Variants in ARHGAP24 observed in about 807,000 individuals in gnomAD.
The protein encoded by ARHGAP24 is Rho GTPase activating protein 24.
Under a neutral mutation model 76.4 loss-of-function variants are expected in ARHGAP24, and 50 were observed. That is an observed-to-expected ratio of 0.65 (90% CI 0.52 to 0.83). ARHGAP24 has a LOEUF of 0.83. Ranked by LOEUF, ARHGAP24 falls within the 40% of genes least tolerant of loss-of-function variation. The pLI is 0.00. For missense variants in ARHGAP24, 930 were observed against 914.2 expected (o/e 1.02, Z -0.22); for synonymous variants, 345 against 323.3 (o/e 1.07, Z -0.72).
chr4:85,494,529 A>G (rs1261977583), intron 1 of ARHGAP24, among the ~76,000 whole-genome samples: 2 of 152,026 alleles, frequency 1.3e-5, no homozygotes, highest in Non-Finnish European at 2.9e-5. Context: ...TACTAAAAAT[A>G]CAAAAATTAG....
intron 2 of ARHGAP24, among the ~76,000 whole-genome samples, chr4:85,678,874 G>A (rs1003531657): frequency 6.6e-6 from 1 of 152,172 alleles, no homozygotes; most frequent in Non-Finnish European, 1.5e-5. Context: ...AGCATCCAGA[G>A]AGGTGTCCGA....
intron 2 of ARHGAP24, among the ~76,000 whole-genome samples, chr4:85,670,936 A>C (rs534523847): frequency 6.6e-6 from 1 of 152,312 alleles, no homozygotes; most frequent in Non-Finnish European, 1.5e-5. Context: ...AAGACCTACA[A>C]AATTGGAAAT....
intron 3 of ARHGAP24, among the ~76,000 whole-genome samples, chr4:85,807,799 CA>C (rs1728855018): frequency 6.6e-6 from 1 of 152,160 alleles, no homozygotes; most frequent in South Asian, 2.1e-4. Flanking sequence ...TGTAACCTCC[CA>C]GGGGCATTTC....
intron 5 of ARHGAP24, among the ~76,000 whole-genome samples, chr4:85,965,503 T>A (rs1738536916): frequency 6.6e-6 from 1 of 152,126 alleles, no homozygotes; most frequent in East Asian, 1.9e-4. Flanking sequence ...AAGACAAATA[T>A]GTAACTAGTA....
chr4:85,506,932 A>G (rs1724080569), intron 1 of ARHGAP24, among the ~76,000 whole-genome samples: 2 of 152,244 alleles, frequency 1.3e-5, no homozygotes, highest in Non-Finnish European at 2.9e-5. Context: ...AATGTGATAA[A>G]GTAGGTAAAA....
chr4:85,930,885 G>T, intron 4 of ARHGAP24: 2 of 1,612,696 alleles, frequency 1.2e-6, no homozygotes, highest in Non-Finnish European at 1.7e-6. Context: ...TCAGAGGCAG[G>T]TTTTAAAGGA....
chr4:85,830,932 C>T (rs1729964799), intron 3 of ARHGAP24, among the ~76,000 whole-genome samples: 1 of 152,050 alleles, frequency 6.6e-6, no homozygotes, highest in Non-Finnish European at 1.5e-5. Context: ...AGAGCCCTGC[C>T]TCATTTATCT....
At chr4:85,966,823 G>A (rs1218122554) in intron 5 of ARHGAP24, among the ~76,000 whole-genome samples, 2 of 152,106 alleles carry the variant, frequency 1.3e-5, no homozygotes, top group Non-Finnish European at 2.9e-5. Flanking sequence ...GCTTGTTGCA[G>A]ATAAGTTCAC....
At chr4:85,674,961 TG>T (rs1722926707) in intron 2 of ARHGAP24, among the ~76,000 whole-genome samples, 1 of 152,158 alleles carries the variant, frequency 6.6e-6, no homozygotes, top group Non-Finnish European at 1.5e-5. Context: ...GTCACAAGCA[TG>T]GGGCAGCTGT....
chr4:85,563,515 T>G (rs1726681594), intron 1 of ARHGAP24, among the ~76,000 whole-genome samples: 1 of 152,214 alleles, frequency 6.6e-6, no homozygotes, highest in South Asian at 2.1e-4. Flanking sequence ...TCCCATTGGA[T>G]CAGCACCCCA....
chr4:85,856,711 C>T (rs1731595336), intron 3 of ARHGAP24, among the ~76,000 whole-genome samples: 1 of 152,026 alleles, frequency 6.6e-6, no homozygotes, highest in Non-Finnish European at 1.5e-5. Context: ...CTCACGTGAT[C>T]CACTCACCTT....
intron 3 of ARHGAP24, among the ~76,000 whole-genome samples, chr4:85,816,134 G>T (rs1038310885): frequency 1.3e-5 from 2 of 152,150 alleles, no homozygotes; most frequent in African/African-American, 2.4e-5. Flanking sequence ...GATGAGATTT[G>T]GGTGGAGACA....
intron 1 of ARHGAP24, among the ~76,000 whole-genome samples, chr4:85,526,930 T>C (rs1725029251): frequency 6.6e-6 from 1 of 152,210 alleles, no homozygotes; most frequent in African/African-American, 2.4e-5. Flanking sequence ...ACATAATCTG[T>C]ACATTTGTTA....
At chr4:85,769,677 G>A (rs1727058551) in intron 3 of ARHGAP24, among the ~76,000 whole-genome samples, 1 of 149,834 alleles carries the variant, frequency 6.7e-6, no homozygotes, top group Non-Finnish European at 1.5e-5. Flanking sequence ...GTCTCACTCT[G>A]TCACCGGGCA....
intron 1 of ARHGAP24, among the ~76,000 whole-genome samples, chr4:85,499,061 CTTG>C (rs1470379212): frequency 2.0e-5 from 3 of 152,134 alleles, no homozygotes; most frequent in East Asian, 1.9e-4. Flanking sequence ...TTATAATCAG[CTTG>C]TTGTTGTTTG....
chr4:85,778,052 G>A (rs1007667660), intron 3 of ARHGAP24, among the ~76,000 whole-genome samples: 18 of 152,230 alleles, frequency 1.2e-4, no homozygotes, highest in Middle Eastern at 6.8e-3. Context: ...TTTAAGAGCC[G>A]TGGAGTAGTA....
chr4:85,680,440 CA>C (rs1298880746), intron 2 of ARHGAP24, among the ~76,000 whole-genome samples: 5 of 151,700 alleles, frequency 3.3e-5, no homozygotes, highest in African/African-American at 2.4e-5. Flanking sequence ...TACTGAGAGC[CA>C]AAAAAAGTAT....
intron 5 of ARHGAP24, among the ~76,000 whole-genome samples, chr4:85,960,004 C>T (rs183250133): frequency 2.6e-5 from 4 of 152,238 alleles, no homozygotes; most frequent in Admixed American, 6.5e-5. Context: ...GAATCTCTAA[C>T]TCATAGTGTA....
intron 3 of ARHGAP24, among the ~76,000 whole-genome samples, chr4:85,765,925 G>A (rs888280325): frequency 6.6e-6 from 1 of 152,136 alleles, no homozygotes; most frequent in Non-Finnish European, 1.5e-5. Context: ...TTGCTTTGGG[G>A]TGTTGTTAGA....
Sources: allele counts gnomAD v4.1 joint callset (sites outside exome capture counted in the v4.1 genomes callset), GRCh38; gene constraint gnomAD v4.1.1; transcripts MANE v1.5; gene names NCBI Gene and HGNC (gene_info 2026-07-23, HGNC 2026-07-21).